Variants in NPAS3 observed in about 807,000 individuals in gnomAD.
NPAS3 encodes the protein neuronal PAS domain-containing protein 3.
NPAS3 carries 14 observed loss-of-function variants against 73.1 expected under a neutral mutation model. The ratio of observed to expected loss-of-function variants is 0.19; its 90% confidence interval spans 0.13 to 0.30. The LOEUF (loss-of-function observed/expected upper bound fraction) is 0.30. Ranked by LOEUF, NPAS3 falls within the 10% of genes least tolerant of loss-of-function variation. NPAS3 has a pLI of 1.00. For synonymous variants in NPAS3, 620 were observed against 541.5 expected (o/e 1.14, Z -2.01); for missense variants, 1,096 against 1,250.0 (o/e 0.88, Z 1.86).
intron 3 of NPAS3, among the ~76,000 whole-genome samples, chr14:33,282,983 C>T (rs2041691864): frequency 6.6e-6 from 1 of 152,140 alleles, no homozygotes; most frequent in Non-Finnish European, 1.5e-5. Flanking sequence ...TGAGATTCCC[C>T]TAGAAAAATG....
chr14:33,788,262 C>T (rs17101887), intron 9 of NPAS3, among the ~76,000 whole-genome samples: 5,185 of 152,218 alleles, frequency 0.034, 223 homozygotes, highest in East Asian at 0.093. Context: ...CTCCGTTCTC[C>T]GCGGCCACTG....
chr14:33,768,083 C>T (rs2062523793), intron 7 of NPAS3, among the ~76,000 whole-genome samples: 1 of 152,166 alleles, frequency 6.6e-6, no homozygotes, highest in African/African-American at 2.4e-5. Flanking sequence ...ACAATGATTT[C>T]CTCACTATGG....
At chr14:33,493,858 G>A (rs2052031331) in intron 4 of NPAS3, among the ~76,000 whole-genome samples, 1 of 152,002 alleles carries the variant, frequency 6.6e-6, no homozygotes, top group African/African-American at 2.4e-5. Context: ...TTTTGAAAAG[G>A]AAATTATCTA....
Position 33,474,175 on chromosome 14 carries a change from T to A in NPAS3, c.469-85946T>A, listed in dbSNP as rs1299877220. On this transcript the variant is annotated intron_variant, in intron 4 of 11. Transcript: ENST00000356141. Reference sequence around the variant, plus strand: ...CAAGCTTGAACTTTGGATCGATTAGTCTGTTTGCTTCATGGGGTATAGATT... The same window carrying A: ...CAAGCTTGAACTTTGGATCGATTAGACTGTTTGCTTCATGGGGTATAGATT... 2.0e-5 allele frequency among the ~76,000 whole-genome samples: 3 copies of A among 152,262 alleles called. No individual in the cohort carries two copies. In the East Asian group the frequency reaches 5.8e-4, roughly 29 times the overall value.
intron 2 of NPAS3, among the ~76,000 whole-genome samples, chr14:33,091,111 C>G (rs147531603): frequency 6.6e-6 from 1 of 152,218 alleles, no homozygotes; most frequent in Admixed American, 6.5e-5. Context: ...CATTCAAAAG[C>G]TAGCAGAAGG....
At chr14:33,531,940 T>C (rs1254293261) in intron 4 of NPAS3, among the ~76,000 whole-genome samples, 1 of 152,170 alleles carries the variant, frequency 6.6e-6, no homozygotes, top group African/African-American at 2.4e-5. Context: ...TCTACTGTGC[T>C]TACTTGCCAT....
At chr14:33,803,918 G>A (rs968829590), downstream of NPAS3, 6 of 152,110 alleles carry the variant, frequency 3.9e-5, no homozygotes, top group Non-Finnish European at 7.4e-5. Context: ...GTTACAAAGC[G>A]ACAGCTATGG....
intron 3 of NPAS3, among the ~76,000 whole-genome samples, chr14:33,296,433 A>G (rs2042302726): frequency 6.6e-6 from 1 of 152,346 alleles, no homozygotes; most frequent in African/African-American, 2.4e-5. Flanking sequence ...TTCCATGCCT[A>G]TCTATCTGTG....
chr14:33,420,781 A>G (rs1028473274), intron 4 of NPAS3, among the ~76,000 whole-genome samples: 3 of 152,070 alleles, frequency 2.0e-5, no homozygotes, highest in Non-Finnish European at 4.4e-5. Flanking sequence ...TGTTTATGCC[A>G]TAATGTGAAA....
intron 1 of NPAS3, among the ~76,000 whole-genome samples, chr14:33,045,600 T>G (rs1412583567): frequency 1.3e-5 from 2 of 152,214 alleles, no homozygotes; most frequent in African/African-American, 4.8e-5. Context: ...TGGTCCATTT[T>G]ACTCTCAGGT....
chr14:32,973,715 T>A (rs1026277788), intron 1 of NPAS3, among the ~76,000 whole-genome samples: 1 of 151,954 alleles, frequency 6.6e-6, no homozygotes, highest in African/African-American at 2.4e-5. Flanking sequence ...TTTTGTATTT[T>A]TAATAGAGAT....
intron 7 of NPAS3, among the ~76,000 whole-genome samples, chr14:33,744,136 C>G (rs2061724909): frequency 6.6e-6 from 1 of 152,162 alleles, no homozygotes; most frequent in African/African-American, 2.4e-5. Context: ...CTAACTGGCA[C>G]CAAGAGGCTT....
chr14:32,997,889 G>A (rs763582824), intron 1 of NPAS3, among the ~76,000 whole-genome samples: 18 of 151,988 alleles, frequency 1.2e-4, no homozygotes, highest in African/African-American at 1.7e-4. Context: ...CCCTAGTCTC[G>A]CGTATGTCTT....
intron 3 of NPAS3, among the ~76,000 whole-genome samples, chr14:33,216,396 A>G (rs2047226492): frequency 6.6e-6 from 1 of 152,212 alleles, no homozygotes; most frequent in African/African-American, 2.4e-5. Context: ...AATCTTTTGT[A>G]GGATTCAGAT....
intron 2 of NPAS3, among the ~76,000 whole-genome samples, chr14:33,210,081 A>G (rs1336069027): frequency 6.6e-6 from 1 of 152,200 alleles, no homozygotes; most frequent in Non-Finnish European, 1.5e-5. Context: ...TCCTCTGTGG[A>G]TGTACAGCTA....
intron 1 of NPAS3, among the ~76,000 whole-genome samples, chr14:33,012,848 C>G (rs377062110): frequency 6.1e-4 from 93 of 152,286 alleles, no homozygotes; most frequent in Non-Finnish European, 7.6e-4. Context: ...CAGCGCCCGG[C>G]CCAAAGTCGT....
intron 3 of NPAS3, among the ~76,000 whole-genome samples, chr14:33,309,100 T>G (rs1309841237): frequency 6.6e-6 from 1 of 152,246 alleles, no homozygotes; most frequent in East Asian, 1.9e-4. Context: ...ATCCAGTTGC[T>G]ACCAGTGCCT....
At chr14:33,069,727 T>C (rs981560402) in intron 2 of NPAS3, among the ~76,000 whole-genome samples, 3 of 152,254 alleles carry the variant, frequency 2.0e-5, no homozygotes, top group African/African-American at 7.2e-5. Context: ...GCATACTAAG[T>C]ACTCAACTAC....
chr14:32,968,933 C>G (rs1236676673), intron 1 of NPAS3, among the ~76,000 whole-genome samples: 1 of 152,126 alleles, frequency 6.6e-6, no homozygotes, highest in African/African-American at 2.4e-5. Flanking sequence ...TGATGCTCTC[C>G]CTCTTCGTTG....
Sources: gnomAD v4.1 joint callset for allele counts (sites outside exome capture counted in the v4.1 genomes callset) on GRCh38, gnomAD v4.1.1 for gene constraint, MANE v1.5 for transcripts, NCBI Gene and HGNC (gene_info 2026-07-23, HGNC 2026-07-21) for gene names.